Variants in CTTN observed in about 807,000 individuals in gnomAD.
CTTN encodes cortactin.
Under a neutral mutation model 84.0 loss-of-function variants are expected in CTTN, and 28 were observed. That is an observed-to-expected ratio of 0.33 (90% CI 0.25 to 0.46). The LOEUF (loss-of-function observed/expected upper bound fraction) is 0.46, where lower values mean the gene tolerates loss of function less well. CTTN is among the 20% of genes least tolerant of loss of function. The probability of loss-of-function intolerance (pLI) is 1.00; values close to 1 mark genes in which losing one functional copy is unlikely to be tolerated. For synonymous variants in CTTN, 301 were observed against 288.8 expected, an observed-to-expected ratio of 1.04 and a Z score of -0.43; for missense variants, 641 against 723.8, an observed-to-expected ratio of 0.89 and a Z score of 1.31.
At chr11:70,434,138 G>C (rs80147167) in intron 17 of CTTN, among the ~76,000 whole-genome samples, 1,691 of 152,304 alleles carry the variant, frequency 0.011, 8 homozygotes, top group Middle Eastern at 0.044. Flanking sequence ...TGGCCTGCAC[G>C]TTCCCCTGAG....
In CTTN at chr11:70,421,500, G is replaced by A; in HGVS notation, c.821G>A (p.Gly274Asp). The A allele has an allele frequency of 6.2e-7, 1 of 1,614,018 alleles. No homozygotes were observed. Among genetic ancestry groups the A allele is most frequent in the Non-Finnish European group, 8.5e-7 (1 of 1,179,904 alleles). Residue 274 changes from glycine to aspartate, a missense_variant, in exon 11 of 18, where the codon GGT becomes GAT. Coordinates refer to ENST00000301843, the MANE Select transcript of CTTN (RefSeq NM_005231.4). ...DYKTGFGGKFGVQSERQDSAA... is the reference protein window; with the variant it reads ...DYKTGFGGKFDVQSERQDSAA... ...AAGACTGGTTTTGGAGGCAAATTCG[G>A]TGTTCAGTCGGAGAGGCAGGACTCC...
intron 10 of CTTN, among the ~76,000 whole-genome samples, chr11:70,420,774 G>A (rs1054098180): frequency 6.6e-5 from 10 of 152,184 alleles, no homozygotes; most frequent in African/African-American, 2.2e-4. Context: ...GCAGCAGGGG[G>A]CTGGGTTTAC....
rs113444140 is a variant in CTTN, at chr11:70,409,409, A to G, written c.162-422A>G. 3.9e-5 allele frequency among the ~76,000 whole-genome samples: 6 copies of G among 152,368 alleles called. No homozygotes were observed. In the South Asian group the frequency reaches 6.2e-4, roughly 16 times the overall value. The stretch of plus-strand genomic sequence containing the variant: ...GGAGTACTTCAAGTACAGACGAATC[A>G]TCTGAATGTTCAGCACCACTGGACT... On this transcript the variant is annotated intron_variant, in intron 4 of 17. Coordinates refer to ENST00000301843, the MANE Select transcript of CTTN (RefSeq NM_005231.4).
chr11:70,420,091 A>C, intron 9 of CTTN: 1 of 597,802 alleles, frequency 1.7e-6, no homozygotes. Flanking sequence ...TGGTGGCCAC[A>C]CCCCGCACGT....
chr11:70,422,555 C>T (rs1249529173), intron 11 of CTTN: 1 of 1,298,900 alleles, frequency 7.7e-7, no homozygotes, highest in African/African-American at 1.5e-5. Context: ...CTCAGTAGAG[C>T]AGGCGCACAG....
chr11:70,407,454 G>T, intron 3 of CTTN, 64 bp from the exon 4 acceptor site: 1 of 1,611,790 alleles, frequency 6.2e-7, no homozygotes, highest in Non-Finnish European at 8.5e-7. Flanking sequence ...TTTCTTTGAT[G>T]GGGTGGTGGT....
In CTTN at chr11:70,420,530, A is replaced by G; in HGVS notation, c.790+20A>G. On this transcript the variant is annotated intron_variant, in intron 10 of 17. Coordinates refer to ENST00000301843, the MANE Select transcript of CTTN (RefSeq NM_005231.4). Reference sequence around the variant, plus strand: ...AAAAAGGTACATTCACTCTGCCTGTATGCGAGATGGTTTTAGAAGTTTGTT... The same window carrying G: ...AAAAAGGTACATTCACTCTGCCTGTGTGCGAGATGGTTTTAGAAGTTTGTT... 1.3e-6 allele frequency: 2 copies of G among 1,567,270 alleles called. No homozygotes were observed. Among genetic ancestry groups the G allele is most frequent in the Non-Finnish European group, 1.8e-6 (2 of 1,137,300 alleles).
chr11:70,418,966 G>A (rs1426600884), intron 8 of CTTN, among the ~76,000 whole-genome samples: 4 of 151,444 alleles, frequency 2.6e-5, no homozygotes, highest in Non-Finnish European at 5.9e-5. Flanking sequence ...TAGTAGAGGC[G>A]GGGTTTCACC....
Position 70,415,644 on chromosome 11 carries a change from G to A in CTTN, c.403-19G>A. ...AAAGTATTTCTCCCCACTTTTTCATGTGTTTTTGGTCGTCACAGTCTGCTG... is the reference window on the plus strand; with the variant it reads ...AAAGTATTTCTCCCCACTTTTTCATATGTTTTTGGTCGTCACAGTCTGCTG... On this transcript the variant is annotated intron_variant, in intron 6 of 17. Coordinates refer to ENST00000301843, the MANE Select transcript of CTTN (RefSeq NM_005231.4). The A allele has an allele frequency of 1.2e-6, 2 of 1,609,826 alleles. No individual in the cohort carries two copies. The highest frequency in any genetic ancestry group is 1.7e-6 in the Non-Finnish European group (2 of 1,176,340).
Position 70,421,556 on chromosome 11 carries a change from CT to C in CTTN, c.878del (p.Leu293ArgfsTer51). On this transcript the variant is annotated frameshift_variant, in exon 11 of 18. Coordinates refer to ENST00000301843, the MANE Select transcript of CTTN (RefSeq NM_005231.4). LOFTEE classifies it high-confidence loss of function. ...TGTGGGGTTTGATTACAAGGAGAAG[CT>C]GGCCAAGCACGAGTCCCAGCAAGGC... ...AAVGFDYKEK[L>X]AKHESQQDYS... 6.2e-7 allele frequency: 1 copy of C among 1,614,046 alleles called. No individual in the cohort carries two copies. The highest frequency in any genetic ancestry group is 8.5e-7 in the Non-Finnish European group (1 of 1,179,924).
In CTTN at chr11:70,433,296, T is replaced by G. The variant is rs753199437; in HGVS notation, c.1444+18T>G. 1 of 1,593,754 alleles carries G rather than the reference T, an allele frequency of 6.3e-7. No individual in the cohort carries two copies. The highest frequency in any genetic ancestry group is 1.3e-5 in the African/African-American group (1 of 74,240). On this transcript the variant is annotated intron_variant, in intron 16 of 17. Transcript: ENST00000301843. ...TCCCGCAGGTACTGGGGCCCCACGC[T>G]GCAGCGCCCTGCCCAGGGCAGGGAG...
At position 70,436,519 on chromosome 11, in the gene CTTN, C is replaced by T. The variant is rs1172082694; in HGVS notation, c.*1357C>T. On this transcript the variant is annotated 3_prime_UTR_variant, in exon 18 of 18. Transcript: ENST00000301843. Reference sequence around the variant, plus strand: ...ATTGTATCTGAATTCCTGTAGCACACCTCATAGGTATGATTTTTTTAAATT... The same window carrying T: ...ATTGTATCTGAATTCCTGTAGCACATCTCATAGGTATGATTTTTTTAAATT... 29 of 874,604 alleles carry T rather than the reference C, an allele frequency of 3.3e-5. No individual in the cohort carries two copies. Among genetic ancestry groups the T allele is most frequent in the Middle Eastern group, 2.3e-4 (1 of 4,302 alleles). 54.2% of individuals were successfully genotyped at this position (874,604 alleles called of 1,614,324 possible).
chr11:70,414,238 G>A (rs1374716805), intron 5 of CTTN, among the ~76,000 whole-genome samples: 2 of 152,004 alleles, frequency 1.3e-5, no homozygotes, highest in Admixed American at 6.6e-5. Flanking sequence ...CCAGCTACTC[G>A]GGAGGCTGAG....
intron 11 of CTTN, chr11:70,422,334 G>C: frequency 2.5e-6 from 1 of 401,086 alleles, no homozygotes; most frequent in Admixed American, 2.8e-5. Flanking sequence ...GCAGTGTTCA[G>C]GTGTGGGCAG....
chr11:70,435,929 A>C lies in CTTN; in HGVS notation c.*767A>C, dbSNP rs1246948730. The C allele has an allele frequency of 6.9e-7, 1 of 1,449,986 alleles. No individual in the cohort carries two copies. The allele number at this position is 1,449,986 out of a possible 1,614,324, so 89.8% of individuals were successfully genotyped here. ...CGCGGGTCTCTGGATTGGGACGCAC[A>C]GTGCAGTTGAGGTCTGCGTCGGGCT... On this transcript the variant is annotated 3_prime_UTR_variant, in exon 18 of 18. Transcript: ENST00000301843.
intron 5 of CTTN, among the ~76,000 whole-genome samples, chr11:70,411,815 T>C (rs933901128): frequency 7.2e-5 from 11 of 152,194 alleles, no homozygotes; most frequent in Non-Finnish European, 1.2e-4. Flanking sequence ...CAGCCTCTGC[T>C]TCCCTCATGA....
intron 7 of CTTN, among the ~76,000 whole-genome samples, chr11:70,416,571 A>T (rs889531929): frequency 3.9e-5 from 6 of 151,986 alleles, no homozygotes; most frequent in African/African-American, 1.2e-4. Context: ...AGCTGGGATT[A>T]CAGGTGTGTG....
intron 9 of CTTN, 74 bp downstream of exon 9, chr11:70,419,930 A>C: frequency 5.1e-6 from 6 of 1,176,996 alleles, no homozygotes; most frequent in Non-Finnish European, 7.4e-6. Context: ...CGGAAAAGGA[A>C]AAACAAAGCG....
In CTTN at chr11:70,414,556, C is replaced by T. The variant is rs1429582627; in HGVS notation, c.306C>T (p.His102=). The T allele has an allele frequency of 1.9e-6, 3 of 1,613,928 alleles. No homozygotes were observed. Among genetic ancestry groups the T allele is most frequent in the Non-Finnish European group, 2.5e-6 (3 of 1,179,852 alleles). ...QDRMDKSAVG[H]EYQSKLSKHC... ...CCCTGTTCCAGTCAGCTGTCGGCCA[C>T]GAATATCAGTCGAAACTTTCCAAGC... The change falls in exon 6 of 18, where the codon CAC becomes CAT. Residue 102 remains histidine, a synonymous_variant. Transcript: ENST00000301843.
Sources: gnomAD v4.1 joint callset for allele counts (sites outside exome capture counted in the v4.1 genomes callset) on GRCh38, gnomAD v4.1.1 for gene constraint, MANE v1.5 for transcripts, NCBI Gene and HGNC (gene_info 2026-07-23, HGNC 2026-07-21) for gene names.